The following DCHS2 variants were observed in gnomAD, a reference collection of about 807,000 sequenced individuals.
The protein encoded by DCHS2 is dachsous cadherin-related 2, also known as protocadherin-23.
Under a neutral mutation model 182.4 loss-of-function variants are expected in DCHS2, and 142 were observed. That is an observed-to-expected ratio of 0.78 (90% CI 0.68 to 0.89). The LOEUF is 0.89. DCHS2 is among the 40% of genes least tolerant of loss of function. The pLI is 0.00. For synonymous variants in DCHS2, 1,740 were observed against 1,663.3 expected, an observed-to-expected ratio of 1.05 and a Z score of -1.12; for missense variants, 4,319 against 4,198.6, an observed-to-expected ratio of 1.03 and a Z score of -0.79.
intron 16 of DCHS2, among the ~76,000 whole-genome samples, chr4:154,251,825 C>T (rs1448614215): frequency 6.6e-6 from 1 of 152,094 alleles, no homozygotes; most frequent in Non-Finnish European, 1.5e-5. Flanking sequence ...GGCCAGGACT[C>T]GATTTTCAAA....
At chr4:154,305,538 C>G (rs558343331) in intron 10 of DCHS2, among the ~76,000 whole-genome samples, 17 of 152,238 alleles carry the variant, frequency 1.1e-4, no homozygotes, top group African/African-American at 4.1e-4. Context: ...CCTAATTACT[C>G]CTTCTAACAC....
intron 13 of DCHS2, among the ~76,000 whole-genome samples, chr4:154,284,287 C>G (rs887611313): frequency 6.6e-5 from 10 of 152,132 alleles, no homozygotes; most frequent in African/African-American, 2.2e-4. Context: ...TTATTTCTAC[C>G]AAATGTTTTA....
Position 154,235,820 on chromosome 4 carries a change from T to TATTA in DCHS2, c.8828_8831dup (p.Lys2945AsnfsTer19), listed in dbSNP as rs1468278460. ...TGTCTTCTTTGTTGAGTTGACTTTTTATTAGGGGAAGGGCTCTAATCAAAT... is the reference window on the plus strand; with the variant it reads ...TGTCTTCTTTGTTGAGTTGACTTTTTATTAATTAGGGGAAGGGCTCTAATCAAAT... On this transcript the variant is annotated frameshift_variant, in exon 20 of 20. Transcript: ENST00000357232. LOFTEE classifies it low-confidence loss of function (END_TRUNC). 1 of 1,613,838 alleles carries TATTA rather than the reference T, an allele frequency of 6.2e-7. No homozygotes were observed. The highest frequency in any genetic ancestry group is 2.2e-5 in the East Asian group (1 of 44,864).
intron 3 of DCHS2, among the ~76,000 whole-genome samples, chr4:154,338,665 G>GA (rs1728926134): frequency 6.6e-6 from 1 of 152,122 alleles, no homozygotes; most frequent in African/African-American, 2.4e-5. Flanking sequence ...TTGGAACACT[G>GA]AAAATGACCT....
At chr4:154,401,137 A>G (rs1485005425) in intron 1 of DCHS2, among the ~76,000 whole-genome samples, 1 of 152,202 alleles carries the variant, frequency 6.6e-6, no homozygotes, top group Non-Finnish European at 1.5e-5. Flanking sequence ...CTCGTCCTTA[A>G]CTTTACATAA....
chr4:154,240,307 T>A (rs372802658), intron 18 of DCHS2, among the ~76,000 whole-genome samples: 54 of 143,484 alleles, frequency 3.8e-4, no homozygotes, highest in Middle Eastern at 3.6e-3. Context: ...CTCTAAAAAC[T>A]AAAAAAAAAA....
In DCHS2 at chr4:154,489,545, G is replaced by A. The variant is rs1728714437; in HGVS notation, c.1811C>T (p.Pro604Leu). 1 of 1,551,502 alleles carries A rather than the reference G, an allele frequency of 6.4e-7. No homozygotes were observed. Among genetic ancestry groups the A allele is most frequent in the Admixed American group, 2.0e-5 (1 of 50,980 alleles). ...GCTTTCGGAATCAATGGCAAAAGAT[G>A]GTCCACACTCTGCGGTGTGGACCAT... ...SKMVHTAECG[P>L]SFAIDSESGA... Residue 604 changes from proline to leucine, a missense_variant, in exon 1 of 20, where the codon CCA becomes CTA. Coordinates refer to ENST00000357232, the MANE Select transcript of DCHS2 (RefSeq NM_001358235.2).
At position 154,242,740 on chromosome 4, in the gene DCHS2, G is replaced by A; in HGVS notation, c.6974C>T (p.Pro2325Leu). 6.2e-7 allele frequency: 1 copy of A among 1,612,078 alleles called. No homozygotes were observed. The highest frequency in any genetic ancestry group is 8.5e-7 in the Non-Finnish European group (1 of 1,179,054). Residue 2325 changes from proline to leucine, a missense_variant, in exon 17 of 20, where the codon CCC becomes CTC. Transcript: ENST00000357232. ...GATTACAGTCGTATTAGAAAGCCTG[G>A]GCATCCCTTTATCTGTGGCTTGGAC... ...LIVQATDKGMPRLSNTTVIKV... is the reference protein window; with the variant it reads ...LIVQATDKGMLRLSNTTVIKV...
At chr4:154,485,297 T>C (rs772202680) in intron 1 of DCHS2, among the ~76,000 whole-genome samples, 72 of 152,054 alleles carry the variant, frequency 4.7e-4, no homozygotes, top group Admixed American at 8.5e-4. Flanking sequence ...AAAAGATGCA[T>C]GCAAGAAAGA....
chr4:154,412,451 A>C (rs1732671084), intron 1 of DCHS2, among the ~76,000 whole-genome samples: 1 of 152,196 alleles, frequency 6.6e-6, no homozygotes, highest in South Asian at 2.1e-4. Context: ...AAGAGAAGGA[A>C]ATGTTTCCAC....
chr4:154,304,747 C>T lies in DCHS2; in HGVS notation c.5527G>A (p.Glu1843Lys). 1 of 1,614,030 alleles carries T rather than the reference C, an allele frequency of 6.2e-7. No homozygotes were observed. The highest frequency in any genetic ancestry group is 8.5e-7 in the Non-Finnish European group (1 of 1,179,960). The change falls in exon 12 of 20, where the codon GAA becomes AAA. Residue 1843 changes from glutamate (E) to lysine (K), a missense_variant. Coordinates refer to ENST00000357232, the MANE Select transcript of DCHS2 (RefSeq NM_001358235.2). ...AAAACCGTATAGACAACCTCTGGTTCCTGGTTTTCCAGAACCTCAATGTCA... is the reference window on the plus strand; with the variant it reads ...AAAACCGTATAGACAACCTCTGGTTTCTGGTTTTCCAGAACCTCAATGTCA... ...SYDIEVLENQ[E>K]PEVVYTVLAS...
intron 10 of DCHS2, among the ~76,000 whole-genome samples, chr4:154,311,563 T>C (rs1735674217): frequency 1.3e-5 from 2 of 152,194 alleles, no homozygotes; most frequent in African/African-American, 2.4e-5. Context: ...ATGCCTCGAC[T>C]GTACAATGTC....
intron 1 of DCHS2, among the ~76,000 whole-genome samples, chr4:154,455,129 A>G (rs1009485161): frequency 6.6e-6 from 1 of 152,242 alleles, no homozygotes; most frequent in Non-Finnish European, 1.5e-5. Flanking sequence ...CAAGTCTTTA[A>G]AATCCAAACC....
chr4:154,388,201 AT>A (rs1731501386), intron 1 of DCHS2, among the ~76,000 whole-genome samples: 1 of 152,168 alleles, frequency 6.6e-6, no homozygotes, highest in Non-Finnish European at 1.5e-5. Flanking sequence ...CAAATGTCCA[AT>A]CAGAAAAGAG....
At chr4:154,439,901 T>C (rs546303093) in intron 1 of DCHS2, among the ~76,000 whole-genome samples, 1 of 152,334 alleles carries the variant, frequency 6.6e-6, no homozygotes, top group Non-Finnish European at 1.5e-5. Context: ...CAGGTCCTGC[T>C]AATACTACTG....
chr4:154,301,051 C>G (rs551087823), intron 12 of DCHS2, among the ~76,000 whole-genome samples: 1 of 152,186 alleles, frequency 6.6e-6, no homozygotes, highest in African/African-American at 2.4e-5. Flanking sequence ...CCTGAGAGCT[C>G]ACCTGGGATC....
intron 3 of DCHS2, among the ~76,000 whole-genome samples, chr4:154,363,061 T>G (rs779476966): frequency 6.6e-6 from 1 of 152,186 alleles, no homozygotes; most frequent in African/African-American, 2.4e-5. Context: ...TGTTCAAGAA[T>G]CAACTGTATA....
In DCHS2 at chr4:154,486,581, T is replaced by C. The variant is rs376008249; in HGVS notation, c.2052+2723A>G. 1.3e-4 allele frequency: 168 copies of C among 1,284,350 alleles called. No homozygotes were observed. In the Middle Eastern group the frequency reaches 1.4e-3, roughly 11 times the overall value. The allele number at this position is 1,284,350 out of a possible 1,614,324, so 79.6% of individuals were successfully genotyped here. ...AGAAGGTACAGTTACAAGGAATGTA[T>C]GTAATGTCATTAAGCAAAGCCATGG... On this transcript the variant is annotated intron_variant, in intron 1 of 19. Coordinates refer to ENST00000357232, the MANE Select transcript of DCHS2 (RefSeq NM_001358235.2).
intron 1 of DCHS2, among the ~76,000 whole-genome samples, chr4:154,465,411 G>A (rs1021841366): frequency 3.9e-5 from 6 of 152,170 alleles, no homozygotes; most frequent in African/African-American, 1.4e-4. Context: ...GCTCACGTCT[G>A]TAATCCTAGC....
Sources: gnomAD v4.1 joint callset for allele counts (sites outside exome capture counted in the v4.1 genomes callset) on GRCh38, gnomAD v4.1.1 for gene constraint, MANE v1.5 for transcripts, NCBI Gene and HGNC (gene_info 2026-07-23, HGNC 2026-07-21) for gene names.